Variants in BMPR1B observed in about 807,000 individuals in gnomAD.
BMPR1B encodes bone morphogenetic protein receptor type-1B.
In BMPR1B, 12 loss-of-function variants were observed where a neutral mutation model predicts 59.1. The ratio of observed to expected loss-of-function variants is 0.20; its 90% CI spans 0.13 to 0.33. The LOEUF (loss-of-function observed/expected upper bound fraction) is 0.33, where lower values mean the gene tolerates loss of function less well. Ranked by LOEUF, BMPR1B falls within the 10% of genes least tolerant of loss-of-function variation. The pLI is 1.00. For synonymous variants in BMPR1B, 237 were observed against 207.3 expected (o/e 1.14, Z -1.23); for missense variants, 550 against 610.9 (o/e 0.90, Z 1.05).
intron 3 of BMPR1B, 160 bp from the exon 4 acceptor site, chr4:95,104,248 A>T: frequency 1.2e-6 from 1 of 816,584 alleles, no homozygotes; most frequent in Non-Finnish European, 1.9e-6. Context: ...TAGGTAAAAG[A>T]CATGATTTTA....
chr4:95,025,091 A>C (rs1724260879), intron 3 of BMPR1B, among the ~76,000 whole-genome samples: 1 of 152,216 alleles, frequency 6.6e-6, no homozygotes, highest in South Asian at 2.1e-4. Flanking sequence ...CATCTCAAAA[A>C]AAGAAAATGA....
intron 3 of BMPR1B, among the ~76,000 whole-genome samples, chr4:95,068,257 G>A (rs1728002528): frequency 6.6e-6 from 1 of 152,102 alleles, no homozygotes; most frequent in Non-Finnish European, 1.5e-5. Context: ...CTTAATGGCA[G>A]TTCCATCCTT....
At chr4:94,913,937 CT>C (rs1476297497) in intron 2 of BMPR1B, among the ~76,000 whole-genome samples, 1 of 152,084 alleles carries the variant, frequency 6.6e-6, no homozygotes, top group Non-Finnish European at 1.5e-5. Context: ...CTACACTTGG[CT>C]GGTGGCTATC....
chr4:94,952,163 G>A (rs1443737074), intron 2 of BMPR1B, among the ~76,000 whole-genome samples: 1 of 151,854 alleles, frequency 6.6e-6, no homozygotes, highest in South Asian at 2.1e-4. Context: ...TTCTTTATTA[G>A]TCTGGCTAGC....
chr4:94,827,482 A>G (rs1724426747), intron 1 of BMPR1B, among the ~76,000 whole-genome samples: 1 of 152,178 alleles, frequency 6.6e-6, no homozygotes, highest in South Asian at 2.1e-4. Context: ...CTCTTGATAC[A>G]GGTTCAACAA....
At chr4:95,153,514 G>C (rs766054121) in intron 12 of BMPR1B, among the ~76,000 whole-genome samples, 46 of 152,196 alleles carry the variant, frequency 3.0e-4, no homozygotes, top group Admixed American at 7.2e-4. Context: ...CACTGCAAAG[G>C]GGGGACAGAG....
At chr4:94,914,532 T>C (rs1166573375) in intron 2 of BMPR1B, among the ~76,000 whole-genome samples, 1 of 151,902 alleles carries the variant, frequency 6.6e-6, no homozygotes, top group Non-Finnish European at 1.5e-5. Context: ...TGCTTAATGG[T>C]GAGTATGCAT....
At chr4:94,961,547 A>C (rs537909127) in intron 2 of BMPR1B, among the ~76,000 whole-genome samples, 8 of 152,278 alleles carry the variant, frequency 5.3e-5, no homozygotes, top group Admixed American at 2.6e-4. Context: ...TGCTTTATTA[A>C]AAGCTTCCTT....
intron 1 of BMPR1B, among the ~76,000 whole-genome samples, chr4:94,780,153 C>CT (rs1424819416): frequency 6.6e-6 from 1 of 152,038 alleles, no homozygotes; most frequent in Non-Finnish European, 1.5e-5. Context: ...ATGAGATTAG[C>CT]TTTTTTTCAT....
At chr4:95,024,897 T>C (rs1724245883) in intron 3 of BMPR1B, among the ~76,000 whole-genome samples, 2 of 152,040 alleles carry the variant, frequency 1.3e-5, no homozygotes, top group African/African-American at 4.8e-5. Flanking sequence ...GATCAAGAGA[T>C]GGAGGCCATC....
chr4:95,003,801 C>CTTTTTTTTTTTTTTTTTTT (rs5860385), intron 3 of BMPR1B, among the ~76,000 whole-genome samples: 2 of 84,560 alleles, frequency 2.4e-5, no homozygotes, highest in East Asian at 4.1e-4. Flanking sequence ...CAAAGTCCAT[C>CTTTTTTTTTTTTTTTTTTT]TTTTTTTTTT....
chr4:95,075,180 A>T (rs1437841863), intron 3 of BMPR1B, among the ~76,000 whole-genome samples: 1 of 152,178 alleles, frequency 6.6e-6, no homozygotes, highest in Non-Finnish European at 1.5e-5. Context: ...AAGCCTCATA[A>T]ATTTAATAAT....
chr4:95,026,198 A>G (rs1724407749), intron 3 of BMPR1B, among the ~76,000 whole-genome samples: 1 of 135,202 alleles, frequency 7.4e-6, no homozygotes, highest in Admixed American at 7.8e-5. Flanking sequence ...GAACATAAAT[A>G]TTATGTGGAG....
At chr4:95,104,592 C>T in intron 4 of BMPR1B, 25 bp downstream of exon 4, 1 of 1,612,658 alleles carries the variant, frequency 6.2e-7, no homozygotes, top group South Asian at 1.1e-5. Context: ...TGATTTAAAG[C>T]TAGCTTTAAC....
chr4:95,138,168 CT>C, intron 10 of BMPR1B, among the ~76,000 whole-genome samples: 1 of 151,878 alleles, frequency 6.6e-6, no homozygotes, highest in South Asian at 2.1e-4. Context: ...ACTTATGAAG[CT>C]TAGTTTGGCT....
At chr4:94,926,629 TA>T (rs1415173982) in intron 2 of BMPR1B, among the ~76,000 whole-genome samples, 2 of 152,140 alleles carry the variant, frequency 1.3e-5, no homozygotes, top group East Asian at 3.9e-4. Context: ...TTTCATGAGT[TA>T]TTTGGCTATA....
intron 8 of BMPR1B, among the ~76,000 whole-genome samples, chr4:95,127,261 TA>T: frequency 6.6e-6 from 1 of 152,320 alleles, no homozygotes; most frequent in Non-Finnish European, 1.5e-5. Context: ...AATATAGAAT[TA>T]AAGTTTAGGT....
At chr4:94,854,084 C>T (rs1263329933) in intron 1 of BMPR1B, among the ~76,000 whole-genome samples, 2 of 151,348 alleles carry the variant, frequency 1.3e-5, no homozygotes, top group South Asian at 2.1e-4. Context: ...TTGCATTTCC[C>T]CTGGGCTATC....
rs540121557 is a variant in BMPR1B at position 95,061,071 on chromosome 4, C to T, written c.-17-43337C>T. On this transcript the variant is annotated intron_variant, in intron 3 of 12. Transcript: ENST00000515059. ...TCATTAACTGGAAATGTACTTTTTA[C>T]CCTATCTTGCTTTGAAAATTAGCAC... 5.3e-5 allele frequency among the ~76,000 whole-genome samples: 8 copies of T among 151,582 alleles called. No individual in the cohort carries two copies. The South Asian group carries it at 1.5e-3, about 28-fold the overall frequency.
Sources: gnomAD v4.1 joint callset for allele counts (sites outside exome capture counted in the v4.1 genomes callset) on GRCh38, gnomAD v4.1.1 for gene constraint, MANE v1.5 for transcripts, NCBI Gene and HGNC (gene_info 2026-07-23, HGNC 2026-07-21) for gene names.